The following EPRS1 variants were observed in gnomAD, a reference collection of about 807,000 sequenced individuals.
EPRS1 encodes the protein bifunctional glutamate/proline--tRNA ligase.
In EPRS1, 107 loss-of-function variants were observed where a neutral mutation model predicts 188.3. The ratio of observed to expected loss-of-function variants is 0.57; its 90% CI spans 0.49 to 0.67. The LOEUF is 0.67. Among genes scored for constraint, EPRS1 ranks in the 30% least tolerant of loss-of-function variants. EPRS1 has a pLI of 0.00. For synonymous variants in EPRS1, 596 were observed against 593.1 expected (o/e 1.00, Z -0.07); for missense variants, 1,577 against 1,802.2 (o/e 0.88, Z 2.26).
intron 26 of EPRS1, 40 bp from the exon 27 acceptor site, chr1:219,979,655 C>A (rs781342186): frequency 7.4e-6 from 10 of 1,347,170 alleles, no homozygotes; most frequent in African/African-American, 4.3e-5. Flanking sequence ...TTTTTAATAA[C>A]CTATTATGCC....
In EPRS1 at chr1:219,978,812, T is replaced by C. The variant is rs936925166; in HGVS notation, c.3910-93A>G. On this transcript the variant is annotated intron_variant, in intron 27 of 31. Transcript: ENST00000366923. ...TCGAAACCTACCAGTGGCTATATTA[T>C]TAACACGAATCAGCTGTGTGATTTC... 10 of 855,820 alleles carry C rather than the reference T, an allele frequency of 1.2e-5. No individual in the cohort carries two copies. In the African/African-American group the frequency reaches 1.5e-4, roughly 13 times the overall value. 53.0% of individuals were successfully genotyped at this position (855,820 alleles called of 1,614,324 possible).
At chr1:220,041,461 T>G (rs943578347) in intron 1 of EPRS1, among the ~76,000 whole-genome samples, 5 of 152,328 alleles carry the variant, frequency 3.3e-5, no homozygotes, top group African/African-American at 1.2e-4. Context: ...GCAAGCCTCA[T>G]GTAGTCCACA....
chr1:219,980,640 T>C (rs1289985610), intron 25 of EPRS1, 116 bp downstream of exon 25: 2 of 634,290 alleles, frequency 3.2e-6, no homozygotes, highest in African/African-American at 1.8e-5. Context: ...TCCATGAACA[T>C]TTGAATTAAT....
At chr1:220,030,695 A>G (rs997097360) in intron 5 of EPRS1, among the ~76,000 whole-genome samples, 8 of 152,186 alleles carry the variant, frequency 5.3e-5, no homozygotes, top group African/African-American at 1.4e-4. Flanking sequence ...CTGTTAGGGC[A>G]CTCAGTTGAA....
chr1:220,033,463 A>T lies in EPRS1; in HGVS notation c.388+39T>A. The stretch of plus-strand genomic sequence containing the variant: ...TATAATTTTTATCCAGCAAAATATT[A>T]AACGATTAAAACAGAGGATTATTAA... On this transcript the variant is annotated intron_variant, in intron 4 of 31. Coordinates refer to ENST00000366923, the MANE Select transcript of EPRS1 (RefSeq NM_004446.3). The T allele has an allele frequency of 2.7e-6, 4 of 1,457,580 alleles. No homozygotes were observed. In the South Asian group the frequency reaches 3.7e-5, roughly 13 times the overall value. 90.3% of individuals were successfully genotyped at this position (1,457,580 alleles called of 1,614,324 possible).
chr1:219,980,908 T>C, intron 24 of EPRS1, 51 bp from the exon 25 acceptor site: 1 of 1,322,952 alleles, frequency 7.6e-7, no homozygotes, highest in Admixed American at 1.9e-5. Flanking sequence ...TTTTCAATTT[T>C]TTTTTTTTGG....
At chr1:219,994,640 CTTTTTTTTTTTTTTTT>C (rs71169424) in intron 18 of EPRS1, among the ~76,000 whole-genome samples, 2 of 109,494 alleles carry the variant, frequency 1.8e-5, no homozygotes, top group East Asian at 2.6e-4. Flanking sequence ...GTAACTTCTT[CTTTTTTTTTTTTTTTT>C]TTTTTTTTTT....
At chr1:219,975,247 C>T (rs796222035) in intron 28 of EPRS1, among the ~76,000 whole-genome samples, 18 of 152,040 alleles carry the variant, frequency 1.2e-4, no homozygotes, top group African/African-American at 4.1e-4. Context: ...ACAGAGCCCA[C>T]GAGGGATAAG....
At chr1:220,041,750 G>A (rs546387452) in intron 1 of EPRS1, among the ~76,000 whole-genome samples, 4 of 152,100 alleles carry the variant, frequency 2.6e-5, no homozygotes, top group Non-Finnish European at 5.9e-5. Context: ...TGAGGCAGGA[G>A]AATCACTTGA....
chr1:220,018,394 T>A, intron 12 of EPRS1, 55 bp downstream of exon 12: 2 of 1,324,360 alleles, frequency 1.5e-6, no homozygotes, highest in South Asian at 2.4e-5. Context: ...CTTCTACTTG[T>A]ACATTATTTG....
intron 29 of EPRS1, among the ~76,000 whole-genome samples, chr1:219,972,603 C>T (rs1160677486): frequency 6.6e-6 from 1 of 152,176 alleles, no homozygotes; most frequent in African/African-American, 2.4e-5. Flanking sequence ...TGGTAGTGGG[C>T]TTTCCTCTCT....
Position 219,982,754 on chromosome 1 carries a change from T to C in EPRS1, c.3373+18A>G, listed in dbSNP as rs1047098738. Reference sequence around the variant, plus strand: ...ACGTTCAGTGAGCATTCTCTTGCACTCCAATGCCTATTCTCACCTGTTTCA... The same window carrying C: ...ACGTTCAGTGAGCATTCTCTTGCACCCCAATGCCTATTCTCACCTGTTTCA... On this transcript the variant is annotated intron_variant, in intron 23 of 31. Coordinates refer to ENST00000366923, the MANE Select transcript of EPRS1 (RefSeq NM_004446.3). 1 of 1,607,162 alleles carries C rather than the reference T, an allele frequency of 6.2e-7. No homozygotes were observed. The highest frequency in any genetic ancestry group is 1.1e-5 in the South Asian group (1 of 90,916).
chr1:220,036,726 G>A (rs1012646788), intron 2 of EPRS1, among the ~76,000 whole-genome samples: 3 of 152,020 alleles, frequency 2.0e-5, no homozygotes, highest in African/African-American at 7.2e-5. Flanking sequence ...AATAACTATT[G>A]GATGGCTTAG....
At chr1:220,021,465 T>C (rs905601381) in intron 9 of EPRS1, among the ~76,000 whole-genome samples, 3 of 151,894 alleles carry the variant, frequency 2.0e-5, no homozygotes, top group Non-Finnish European at 4.4e-5. Flanking sequence ...TCCCAAAGTG[T>C]TGGCATTACA....
At chr1:219,992,596 G>A (rs2789799) in intron 18 of EPRS1, among the ~76,000 whole-genome samples, 91,637 of 152,056 alleles carry the variant, frequency 0.6, 28,658 homozygotes, top group Non-Finnish European at 0.7. Context: ...AGCCATAGAC[G>A]ATATGTACAC....
Position 219,997,269 on chromosome 1 carries a change from A to C in EPRS1, c.2255T>G (p.Val752Gly). Residue 752 changes from valine to glycine, a missense_variant, in exon 18 of 32, where the codon GTC becomes GGC. Transcript: ENST00000366923. ...NNCTTSEDSL[V>G]LYNRVAVQGD... is the part of the protein sequence containing the mutation. ...TTGAACAGCCACTCTATTGTAAAGG[A>C]CCAAGGAATCCTCAGATGTAGTACA... is the stretch of plus-strand genomic sequence containing the variant. The C allele has an allele frequency of 6.2e-7, 1 of 1,613,952 alleles. No homozygotes were observed. The highest frequency in any genetic ancestry group is 8.5e-7 in the Non-Finnish European group (1 of 1,179,872).
intron 2 of EPRS1, among the ~76,000 whole-genome samples, chr1:220,035,528 T>C (rs1276813582): frequency 1.3e-5 from 2 of 152,142 alleles, no homozygotes; most frequent in African/African-American, 4.8e-5. Context: ...ATAACAGTGA[T>C]TTAATATAAA....
chr1:219,991,223 A>G (rs1394927365), intron 18 of EPRS1, among the ~76,000 whole-genome samples: 1 of 84,506 alleles, frequency 1.2e-5, no homozygotes, highest in East Asian at 4.3e-4. Flanking sequence ...GAAAGGAGTG[A>G]CCTTAAAAAA....
In EPRS1 at chr1:219,969,090, G is replaced by C; in HGVS notation, c.4356C>G (p.Asp1452Glu). The part of the protein sequence containing the change: ...IVQIPFCGEI[D>E]CEDWIKKTTA... ...TGGTCTTTTTGATCCAGTCCTCACA[G>C]TCAATTTCCCCACAGAATGGAATCT... Residue 1452 changes from aspartate to glutamate, a missense_variant, in exon 31 of 32, where the codon GAC becomes GAG. Coordinates refer to ENST00000366923, the MANE Select transcript of EPRS1 (RefSeq NM_004446.3). The C allele has an allele frequency of 6.2e-7, 1 of 1,612,730 alleles. No individual in the cohort carries two copies. The highest frequency in any genetic ancestry group is 1.1e-5 in the South Asian group (1 of 91,052).
Sources: allele counts gnomAD v4.1 joint callset (sites outside exome capture counted in the v4.1 genomes callset), GRCh38; gene constraint gnomAD v4.1.1; transcripts MANE v1.5; gene names NCBI Gene and HGNC (gene_info 2026-07-23, HGNC 2026-07-21).